The following TSPAN12 variants were observed in gnomAD, a reference collection of about 807,000 sequenced individuals.
TSPAN12 encodes tetraspanin 12.
TSPAN12 carries 19 observed loss-of-function variants against 39.2 expected under a neutral mutation model. The observed-to-expected ratio is 0.49, with a 90% CI of 0.34 to 0.71. The LOEUF is 0.71. Among genes scored for constraint, TSPAN12 ranks in the 30% least tolerant of loss-of-function variants. The pLI is 0.01. For missense variants in TSPAN12, 314 were observed against 359.9 expected (o/e 0.87, Z 1.03); for synonymous variants, 119 against 124.8 (o/e 0.95, Z 0.31).
intron 2 of TSPAN12, among the ~76,000 whole-genome samples, chr7:120,842,448 T>TA (rs10585886): frequency 0.028 from 3,668 of 130,706 alleles, 56 homozygotes; most frequent in Middle Eastern, 0.048. Context: ...TACAAACTGT[T>TA]AAAAAAAAAA....
intron 7 of TSPAN12, among the ~76,000 whole-genome samples, chr7:120,793,276 T>TTTTTGC (rs1204832867): frequency 6.6e-6 from 1 of 152,274 alleles, no homozygotes; most frequent in African/African-American, 2.4e-5. Context: ...TGCAATGACA[T>TTTTTGC]ATTAAGACAA....
At chr7:120,810,389 T>C in intron 6 of TSPAN12, 74 bp downstream of exon 6, 1 of 969,618 alleles carries the variant, frequency 1.0e-6, no homozygotes, top group South Asian at 1.3e-5. Flanking sequence ...TTACCAAAGC[T>C]AAAGCTTTAA....
intron 4 of TSPAN12, among the ~76,000 whole-genome samples, chr7:120,816,439 G>C (rs1006951962): frequency 8.4e-4 from 128 of 152,084 alleles, no homozygotes; most frequent in African/African-American, 3.0e-3. Context: ...CTATGAAATA[G>C]AGAAATATGC....
In TSPAN12 at chr7:120,795,622, T is replaced by C. The variant is rs149364565; in HGVS notation, c.613-6725A>G. 1.4e-3 allele frequency among the ~76,000 whole-genome samples: 210 copies of C among 152,314 alleles called. 2 individuals carry two copies. Among genetic ancestry groups the C allele is most frequent in the African/African-American group, 4.8e-3 (201 of 41,578 alleles). ...TAAATAAAATCTAGGTGCCAATACA[T>C]GCCAATATTAATATTTTTGTAAATA... On this transcript the variant is annotated intron_variant, in intron 7 of 7. Coordinates refer to ENST00000222747, the MANE Select transcript of TSPAN12 (RefSeq NM_012338.4).
At chr7:120,814,004 C>T (rs1203757617) in intron 5 of TSPAN12, 1 of 261,726 alleles carries the variant, frequency 3.8e-6, no homozygotes, top group Non-Finnish European at 7.6e-6. Context: ...TCTCTACTTA[C>T]TTAGTGCCGT....
intron 2 of TSPAN12, among the ~76,000 whole-genome samples, chr7:120,854,461 C>T (rs969428832): frequency 3.9e-5 from 6 of 152,170 alleles, no homozygotes; most frequent in African/African-American, 1.4e-4. Context: ...GTTCTCAGCG[C>T]TGTATATATG....
Position 120,856,825 on chromosome 7 carries a change from G to T in TSPAN12, c.-62C>A. ...CACATCCTACTCCCAAGGGCAAAACGGCAGCGATCTGCAGGGGGCGGGGGA... is the reference window on the plus strand; with the variant it reads ...CACATCCTACTCCCAAGGGCAAAACTGCAGCGATCTGCAGGGGGCGGGGGA... On this transcript the variant is annotated 5_prime_UTR_variant, in exon 2 of 8. Transcript: ENST00000222747. The T allele has an allele frequency of 1.3e-6, 2 of 1,569,776 alleles. No individual in the cohort carries two copies. The highest frequency in any genetic ancestry group is 2.2e-5 in the East Asian group (1 of 44,640).
At chr7:120,807,478 A>C (rs1793897150) in intron 6 of TSPAN12, among the ~76,000 whole-genome samples, 1 of 152,130 alleles carries the variant, frequency 6.6e-6, no homozygotes, top group South Asian at 2.1e-4. Flanking sequence ...AACTATGATG[A>C]ATAATTTTCT....
intron 4 of TSPAN12, among the ~76,000 whole-genome samples, chr7:120,830,587 T>C (rs1794372317): frequency 6.6e-6 from 1 of 152,068 alleles, no homozygotes; most frequent in Admixed American, 6.6e-5. Context: ...AACAACTGGA[T>C]ATCCATATGC....
intron 2 of TSPAN12, among the ~76,000 whole-genome samples, chr7:120,840,462 A>C (rs1794556472): frequency 6.6e-6 from 1 of 151,030 alleles, no homozygotes; most frequent in South Asian, 2.1e-4. Flanking sequence ...GAAGCAATTA[A>C]ATACTATTAC....
intron 4 of TSPAN12, among the ~76,000 whole-genome samples, chr7:120,821,900 C>G (rs1344182456): frequency 6.6e-6 from 1 of 152,100 alleles, no homozygotes; most frequent in Admixed American, 6.6e-5. Context: ...ATGACATGAA[C>G]TTTTAGTAAA....
intron 4 of TSPAN12, among the ~76,000 whole-genome samples, chr7:120,835,221 A>G (rs1242156711): frequency 6.6e-6 from 1 of 152,196 alleles, no homozygotes; most frequent in Non-Finnish European, 1.5e-5. Flanking sequence ...GGAAAAGTCT[A>G]TTAGAGACAT....
At chr7:120,852,201 A>G (rs1240271985) in intron 2 of TSPAN12, among the ~76,000 whole-genome samples, 2 of 152,020 alleles carry the variant, frequency 1.3e-5, no homozygotes, top group Non-Finnish European at 2.9e-5. Flanking sequence ...TTTTTTCCCT[A>G]AAATCCTAGT....
intron 4 of TSPAN12, among the ~76,000 whole-genome samples, chr7:120,833,395 C>CAACA (rs1288172941): frequency 4.6e-5 from 7 of 150,714 alleles, no homozygotes; most frequent in South Asian, 2.1e-4. Context: ...TGATTTTAAA[C>CAACA]AACAAACAAA....
intron 7 of TSPAN12, among the ~76,000 whole-genome samples, chr7:120,801,422 A>G (rs1328208445): frequency 6.6e-6 from 1 of 152,204 alleles, no homozygotes; most frequent in East Asian, 1.9e-4. Context: ...TAAAACTGTA[A>G]CCCAACACAT....
upstream of TSPAN12, chr7:120,858,158 TG>T (rs1794913718): frequency 6.6e-6 from 1 of 152,238 alleles, no homozygotes; most frequent in Non-Finnish European, 1.5e-5. Flanking sequence ...CTCGAGCCGC[TG>T]GCTGCCGGGG....
intron 2 of TSPAN12, among the ~76,000 whole-genome samples, chr7:120,853,594 G>C (rs976628726): frequency 2.7e-5 from 4 of 149,324 alleles, no homozygotes; most frequent in Admixed American, 1.3e-4. Context: ...TATATTACAG[G>C]CCGGGCACAG....
intron 2 of TSPAN12, among the ~76,000 whole-genome samples, chr7:120,840,554 T>C (rs1794558509): frequency 6.6e-6 from 1 of 152,228 alleles, no homozygotes; most frequent in African/African-American, 2.4e-5. Context: ...AATTTAAGCA[T>C]TAAAATGATA....
chr7:120,806,157 T>C (rs1793868878), intron 7 of TSPAN12, among the ~76,000 whole-genome samples: 1 of 151,966 alleles, frequency 6.6e-6, no homozygotes, highest in Non-Finnish European at 1.5e-5. Context: ...TTCTATGTGT[T>C]GGTGGTCTAT....
Sources: allele counts gnomAD v4.1 joint callset (sites outside exome capture counted in the v4.1 genomes callset), GRCh38; gene constraint gnomAD v4.1.1; transcripts MANE v1.5; gene names NCBI Gene and HGNC (gene_info 2026-07-23, HGNC 2026-07-21).